The following ACSL6 variants were observed in gnomAD, a reference collection of about 807,000 sequenced individuals.
ACSL6 encodes the protein long-chain-fatty-acid--CoA ligase 6.
ACSL6 carries 47 observed loss-of-function variants against 98.2 expected under a neutral mutation model. The ratio of observed to expected loss-of-function variants is 0.48; its 90% CI spans 0.38 to 0.61. The LOEUF (loss-of-function observed/expected upper bound fraction) is 0.61, where lower values mean the gene tolerates loss of function less well. Ranked by LOEUF, ACSL6 falls within the 20% of genes least tolerant of loss-of-function variation. The probability of loss-of-function intolerance (pLI) is 0.00; values close to 1 mark genes in which losing one functional copy is unlikely to be tolerated. For synonymous variants in ACSL6, 362 were observed against 336.9 expected (o/e 1.07, Z -0.82); for missense variants, 761 against 913.4 (o/e 0.83, Z 2.15).
intron 18 of ACSL6, among the ~76,000 whole-genome samples, chr5:131,961,561 G>A (rs1193424337): frequency 2.6e-5 from 4 of 151,782 alleles, no homozygotes; most frequent in African/African-American, 9.7e-5. Flanking sequence ...TCCAGGTGTG[G>A]TGGTGGGCGC....
At chr5:131,977,443 A>G (rs911890314) in intron 9 of ACSL6, among the ~76,000 whole-genome samples, 1 of 152,070 alleles carries the variant, frequency 6.6e-6, no homozygotes, top group African/African-American at 2.4e-5. Flanking sequence ...GGTAGATACA[A>G]TCCCAAAGTT....
At chr5:131,969,427 C>T (rs996696026) in intron 15 of ACSL6, among the ~76,000 whole-genome samples, 2 of 151,650 alleles carry the variant, frequency 1.3e-5, no homozygotes, top group African/African-American at 4.8e-5. Context: ...AGATCTCCCA[C>T]AGGAACCACC....
intron 2 of ACSL6, chr5:131,993,725 C>A: frequency 2.8e-6 from 1 of 351,658 alleles, no homozygotes; most frequent in South Asian, 2.9e-5. Context: ...CCTCAAGAAC[C>A]TGCTTAGGCT....
chr5:131,988,021 G>C (rs1754288878), intron 7 of ACSL6, 27 bp downstream of exon 7: 1 of 1,607,854 alleles, frequency 6.2e-7, no homozygotes. Flanking sequence ...CAGTAGCCCA[G>C]CAAACCGCCC....
rs200675674 is a variant in ACSL6 at position 131,958,673 on chromosome 5, G to GT, written c.2031+862dup. 1.6e-3 allele frequency among the ~76,000 whole-genome samples: 237 copies of GT among 152,008 alleles called. 1 individual carries two copies. Among genetic ancestry groups the GT allele is most frequent in the African/African-American group, 5.5e-3 (229 of 41,458 alleles). On this transcript the variant is annotated intron_variant, in intron 20 of 20. Coordinates refer to ENST00000651883, the MANE Select transcript of ACSL6 (RefSeq NM_001009185.3). Reference sequence around the variant, plus strand: ...AATAAAAATTTTAATCCATGAAAATGTTTTTTTAATTGCAAATTAAAGCAC... The same window carrying GT: ...AATAAAAATTTTAATCCATGAAAATGTTTTTTTTAATTGCAAATTAAAGCAC...
chr5:131,979,609 G>C (rs937237385), intron 9 of ACSL6, among the ~76,000 whole-genome samples: 1 of 152,186 alleles, frequency 6.6e-6, no homozygotes, highest in Non-Finnish European at 1.5e-5. Context: ...ATGGCATATG[G>C]AATTTTAAAA....
chr5:131,981,247 A>C (rs920313354), intron 9 of ACSL6, among the ~76,000 whole-genome samples: 1 of 151,760 alleles, frequency 6.6e-6, no homozygotes, highest in African/African-American at 2.4e-5. Context: ...CCAGAAGAGC[A>C]ACAAACCTCC....
At position 131,962,787 on chromosome 5, in the gene ACSL6, C is replaced by A. The variant is rs554268409; in HGVS notation, c.1714-109G>T. 1.2e-5 allele frequency: 16 copies of A among 1,284,602 alleles called. 1 individual carries two copies. The South Asian group carries it at 2.0e-4, about 16-fold the overall frequency. 79.6% of individuals were successfully genotyped at this position (1,284,602 alleles called of 1,614,324 possible). A position where few individuals can be genotyped will look rare whatever the true frequency, so the allele number is the denominator to read the frequency against. Reference sequence around the variant, plus strand: ...CTACCCCACCCTGCAGACCCCACCCCGATTTCTTTTCCATCTGTTGTGTCT... The same window carrying A: ...CTACCCCACCCTGCAGACCCCACCCAGATTTCTTTTCCATCTGTTGTGTCT... On this transcript the variant is annotated intron_variant, in intron 17 of 20. Transcript: ENST00000651883.
intron 20 of ACSL6, among the ~76,000 whole-genome samples, chr5:131,955,351 C>A (rs1478590240): frequency 6.6e-6 from 1 of 152,174 alleles, no homozygotes; most frequent in Non-Finnish European, 1.5e-5. Flanking sequence ...CAAAGAAGCA[C>A]AGATTCAGTA....
chr5:131,995,286 GTT>G (rs956673048), intron 1 of ACSL6, among the ~76,000 whole-genome samples: 1 of 152,190 alleles, frequency 6.6e-6, no homozygotes, highest in African/African-American at 2.4e-5. Context: ...GTGAGGCCGT[GTT>G]GGCACAGCAA....
At chr5:132,000,707 AC>A (rs1416685145) in intron 1 of ACSL6, among the ~76,000 whole-genome samples, 3 of 151,820 alleles carry the variant, frequency 2.0e-5, no homozygotes, top group Non-Finnish European at 4.4e-5. Context: ...GCTTACTACC[AC>A]CCCCAGGCCC....
chr5:131,998,600 C>G (rs1430507790), intron 1 of ACSL6, among the ~76,000 whole-genome samples: 2 of 152,154 alleles, frequency 1.3e-5, no homozygotes, highest in African/African-American at 4.8e-5. Flanking sequence ...TCCAAGAACT[C>G]TCTGCTGGTC....
At chr5:131,965,762 CACA>C (rs971825954) in intron 17 of ACSL6, among the ~76,000 whole-genome samples, 1 of 152,154 alleles carries the variant, frequency 6.6e-6, no homozygotes, top group African/African-American at 2.4e-5. Context: ...TCTTGCACAA[CACA>C]ACAATAATTT....
At chr5:131,998,922 T>G (rs1754924777) in intron 1 of ACSL6, among the ~76,000 whole-genome samples, 1 of 152,182 alleles carries the variant, frequency 6.6e-6, no homozygotes, top group African/African-American at 2.4e-5. Flanking sequence ...CCCTCCCCTT[T>G]GAATCACTCC....
chr5:131,976,257 C>T (rs967305571), intron 10 of ACSL6: 2 of 980,106 alleles, frequency 2.0e-6, no homozygotes, highest in African/African-American at 1.7e-5. Context: ...CACAAAATGA[C>T]TGAATTAAAC....
chr5:131,967,402 G>A (rs983976441), intron 16 of ACSL6, among the ~76,000 whole-genome samples: 4 of 152,022 alleles, frequency 2.6e-5, no homozygotes, highest in Non-Finnish European at 5.9e-5. Context: ...GGTGGCTCAC[G>A]CCTGTAATCC....
intron 17 of ACSL6, among the ~76,000 whole-genome samples, chr5:131,964,897 T>C (rs1245948788): frequency 6.6e-6 from 1 of 152,218 alleles, no homozygotes; most frequent in African/African-American, 2.4e-5. Flanking sequence ...ACTCATATCC[T>C]AAGGCTTGGA....
chr5:131,973,119 GAGAA>G (rs1753407109), intron 12 of ACSL6, 143 bp downstream of exon 12: 1 of 1,176,738 alleles, frequency 8.5e-7, no homozygotes, highest in Non-Finnish European at 1.2e-6. Flanking sequence ...AAGGAAGAAT[GAGAA>G]AGAGTCAGGA....
At chr5:132,003,408 G>A (rs1325142759) in intron 1 of ACSL6, among the ~76,000 whole-genome samples, 2 of 152,182 alleles carry the variant, frequency 1.3e-5, no homozygotes, top group South Asian at 2.1e-4. Flanking sequence ...AGACTGGAGC[G>A]GCCCAGCCCT....
Sources: gnomAD v4.1 joint callset for allele counts (sites outside exome capture counted in the v4.1 genomes callset) on GRCh38, gnomAD v4.1.1 for gene constraint, MANE v1.5 for transcripts, NCBI Gene and HGNC (gene_info 2026-07-23, HGNC 2026-07-21) for gene names.